Variants in PDSS2 observed in about 807,000 individuals in gnomAD.
The protein encoded by PDSS2 is all trans-polyprenyl-diphosphate synthase PDSS2.
PDSS2 carries 31 observed loss-of-function variants against 44.5 expected under a neutral mutation model. The ratio of observed to expected loss-of-function variants is 0.70; its 90% CI spans 0.52 to 0.94. The LOEUF is 0.94. Ranked by LOEUF, PDSS2 falls within the 40% of genes least tolerant of loss-of-function variation. PDSS2 has a pLI of 0.00. For synonymous variants in PDSS2, 157 were observed against 180.3 expected (o/e 0.87, Z 1.03); for missense variants, 452 against 482.2 (o/e 0.94, Z 0.59).
intron 1 of PDSS2, among the ~76,000 whole-genome samples, chr6:107,451,008 A>G (rs1227356846): frequency 1.3e-5 from 2 of 152,110 alleles, no homozygotes; most frequent in Non-Finnish European, 2.9e-5. Flanking sequence ...TTTTTTATAT[A>G]TTTTGTAGAG....
chr6:107,293,328 A>G (rs1776406528), intron 2 of PDSS2, among the ~76,000 whole-genome samples: 1 of 152,176 alleles, frequency 6.6e-6, no homozygotes, highest in African/African-American at 2.4e-5. Flanking sequence ...TTTCTTTAAT[A>G]AGCTTTTAAT....
In PDSS2 at chr6:107,215,900, G is replaced by A. The variant is rs1773394955; in HGVS notation, c.703-3618C>T. Among the ~76,000 whole-genome samples, 4 of 152,164 alleles carry A rather than the reference G, an allele frequency of 2.6e-5. No homozygotes were observed. The South Asian group carries it at 8.3e-4, about 32-fold the overall frequency. ...GCCTGTAATCCCAGCACTTTGGGAG[G>A]CAGAGGTGGGCAGATTACTTGAGTT... is the stretch of plus-strand genomic sequence containing the variant. On this transcript the variant is annotated intron_variant, in intron 4 of 7. Transcript: ENST00000369037.
intron 4 of PDSS2, among the ~76,000 whole-genome samples, chr6:107,225,151 A>ATATATATT (rs1562389143): frequency 1.2e-4 from 6 of 51,432 alleles, no homozygotes; most frequent in African/African-American, 7.3e-4. Context: ...ATATATATAT[A>ATATATATT]TATATATATA....
At chr6:107,159,679 A>G (rs1465808674) in intron 7 of PDSS2, among the ~76,000 whole-genome samples, 1 of 151,298 alleles carries the variant, frequency 6.6e-6, no homozygotes, top group Non-Finnish European at 1.5e-5. Context: ...CGGCCTCCCA[A>G]AGTGCTGGGA....
At position 107,373,525 on chromosome 6, in the gene PDSS2, T is replaced by C. The variant is rs183565483; in HGVS notation, c.297-39193A>G. On this transcript the variant is annotated intron_variant, in intron 1 of 7. Coordinates refer to ENST00000369037, the MANE Select transcript of PDSS2 (RefSeq NM_020381.4). ...TCTAGAGACAGACTGTAGTCTTATC[T>C]TGTTCTCCACTGTTGCTTGTATTCT... Among the ~76,000 whole-genome samples, 82 of 152,358 alleles carry C rather than the reference T, an allele frequency of 5.4e-4. No individual in the cohort carries two copies. The East Asian group carries it at 0.015, about 29-fold the overall frequency.
intron 1 of PDSS2, among the ~76,000 whole-genome samples, chr6:107,435,801 C>T (rs1384574297): frequency 6.6e-6 from 1 of 152,074 alleles, no homozygotes; most frequent in East Asian, 1.9e-4. Flanking sequence ...TCTCTAGCAT[C>T]ACAATACTGG....
At chr6:107,208,448 C>T (rs1219834831) in intron 6 of PDSS2, among the ~76,000 whole-genome samples, 1 of 151,316 alleles carries the variant, frequency 6.6e-6, no homozygotes, top group Non-Finnish European at 1.5e-5. Flanking sequence ...AGGCGTGCAC[C>T]ACCACACCCA....
intron 2 of PDSS2, among the ~76,000 whole-genome samples, chr6:107,280,551 G>T (rs374041061): frequency 6.6e-6 from 1 of 152,066 alleles, no homozygotes; most frequent in African/African-American, 2.4e-5. Context: ...TTCCTCCAAA[G>T]CTTCTCAAAT....
At chr6:107,455,835 T>C (rs1285789533) in intron 1 of PDSS2, among the ~76,000 whole-genome samples, 2 of 146,138 alleles carry the variant, frequency 1.4e-5, no homozygotes, top group African/African-American at 5.1e-5. Context: ...TAACCTGAAC[T>C]CAGAAGTTGT....
intron 2 of PDSS2, among the ~76,000 whole-genome samples, chr6:107,297,776 C>T (rs189853232): frequency 6.6e-6 from 1 of 151,132 alleles, no homozygotes; most frequent in East Asian, 2.0e-4. Flanking sequence ...GACAGAGTCT[C>T]ACTCTGTTGC....
Position 107,442,420 on chromosome 6 carries a change from A to G in PDSS2, c.296+16570T>C, listed in dbSNP as rs780115938. On this transcript the variant is annotated intron_variant, in intron 1 of 7. Coordinates refer to ENST00000369037, the MANE Select transcript of PDSS2 (RefSeq NM_020381.4). ...CAACAGAGCAAGACTCCATCTCAAA[A>G]CAAAAACAAAAAAACAAAAAACAAA... Among the ~76,000 whole-genome samples, 37 of 151,598 alleles carry G rather than the reference A, an allele frequency of 2.4e-4. 1 individual carries two copies. Among genetic ancestry groups the G allele is most frequent in the Non-Finnish European group, 5.9e-5 (4 of 68,026 alleles).
At chr6:107,205,437 C>T (rs1772940418) in intron 6 of PDSS2, among the ~76,000 whole-genome samples, 1 of 152,176 alleles carries the variant, frequency 6.6e-6, no homozygotes, top group African/African-American at 2.4e-5. Context: ...AGAGTCAGAG[C>T]TCTGTGGTGC....
At chr6:107,351,340 G>A (rs1778429863) in intron 1 of PDSS2, among the ~76,000 whole-genome samples, 1 of 152,154 alleles carries the variant, frequency 6.6e-6, no homozygotes, top group African/African-American at 2.4e-5. Context: ...GATATCAAAA[G>A]TTCTGCTCTT....
intron 1 of PDSS2, among the ~76,000 whole-genome samples, chr6:107,429,551 G>A (rs1368625219): frequency 5.3e-5 from 8 of 152,004 alleles, no homozygotes; most frequent in African/African-American, 1.9e-4. Flanking sequence ...TCCAGTAGCA[G>A]CAGTGGGTAC....
At chr6:107,222,652 C>CAAAAAA in intron 4 of PDSS2, among the ~76,000 whole-genome samples, 1 of 53,534 alleles carries the variant, frequency 1.9e-5, no homozygotes, top group Non-Finnish European at 3.9e-5. Flanking sequence ...AAGACTGTCT[C>CAAAAAA]AAAAAAAAAA....
At position 107,377,896 on chromosome 6, in the gene PDSS2, G is replaced by GT. The variant is rs1369706452; in HGVS notation, c.297-43565dup. Among the ~76,000 whole-genome samples, 7 of 151,750 alleles carry GT rather than the reference G, an allele frequency of 4.6e-5. No homozygotes were observed. In the East Asian group the frequency reaches 7.7e-4, roughly 17 times the overall value. On this transcript the variant is annotated intron_variant, in intron 1 of 7. Coordinates refer to ENST00000369037, the MANE Select transcript of PDSS2 (RefSeq NM_020381.4). Reference sequence around the variant, plus strand: ...CTCTGGGGACTGTTGTGGGGTAGGGGTAAGGGGGAGGGATAGCATTAGGAG... The same window carrying GT: ...CTCTGGGGACTGTTGTGGGGTAGGGGTTAAGGGGGAGGGATAGCATTAGGAG...
intron 4 of PDSS2, among the ~76,000 whole-genome samples, chr6:107,231,672 A>G (rs770175093): frequency 6.6e-6 from 1 of 152,216 alleles, no homozygotes; most frequent in Non-Finnish European, 1.5e-5. Flanking sequence ...CTATCCACTG[A>G]GTTATTTCTC....
At chr6:107,241,344 C>CTTTTTTTTT (rs58623641) in intron 4 of PDSS2, among the ~76,000 whole-genome samples, 2 of 78,002 alleles carry the variant, frequency 2.6e-5, no homozygotes, top group African/African-American at 5.6e-5. Flanking sequence ...TCTTCTTCTT[C>CTTTTTTTTT]TTTTTTTTTT....
intron 3 of PDSS2, among the ~76,000 whole-genome samples, chr6:107,252,371 TC>T (rs1247334599): frequency 6.6e-6 from 1 of 152,120 alleles, no homozygotes; most frequent in Non-Finnish European, 1.5e-5. Context: ...GGGAGCCTTT[TC>T]AGTACTGCCA....
Sources: allele counts gnomAD v4.1 joint callset (sites outside exome capture counted in the v4.1 genomes callset), GRCh38; gene constraint gnomAD v4.1.1; transcripts MANE v1.5; gene names NCBI Gene and HGNC (gene_info 2026-07-23, HGNC 2026-07-21).